BICD1: variants seen among roughly 807,000 people sequenced by gnomAD.
BICD1 encodes BICD cargo adaptor 1.
A neutral mutation model predicts 92.5 loss-of-function variants in BICD1; 35 were observed. The ratio of observed to expected loss-of-function variants is 0.38; its 90% CI spans 0.29 to 0.50. The LOEUF is 0.50. BICD1 is among the 20% of genes least tolerant of loss of function. The pLI is 0.93. For missense variants in BICD1, 950 were observed against 1,189.8 expected, an observed-to-expected ratio of 0.80 and a Z score of 2.97; for synonymous variants, 429 against 465.1, an observed-to-expected ratio of 0.92 and a Z score of 1.00.
intron 8 of BICD1, among the ~76,000 whole-genome samples, chr12:32,360,594 A>C (rs1311149455): frequency 1.3e-5 from 2 of 152,196 alleles, no homozygotes; most frequent in Non-Finnish European, 1.5e-5. Flanking sequence ...AAATGGTAAA[A>C]TAATGTGTCT....
chr12:32,137,119 C>T (rs1388941554), intron 1 of BICD1, among the ~76,000 whole-genome samples: 3 of 152,108 alleles, frequency 2.0e-5, no homozygotes, highest in Non-Finnish European at 2.9e-5. Flanking sequence ...GACAGTGTCT[C>T]GCTCTGTTGC....
intron 2 of BICD1, among the ~76,000 whole-genome samples, chr12:32,230,661 G>A (rs1945857119): frequency 6.6e-6 from 1 of 152,140 alleles, no homozygotes. Context: ...TTTTAGAGAG[G>A]AGAGAAGGAG....
Position 32,212,378 on chromosome 12 carries a change from C to A in BICD1, c.214-3869C>A, listed in dbSNP as rs1339083345. On this transcript the variant is annotated intron_variant, in intron 1 of 9. Transcript: ENST00000652176. ...TTTCACAGGTTAATTCCAGCCTAATCTTTTCATAGATGATAGCGTAGCCCA... is the reference window on the plus strand; with the variant it reads ...TTTCACAGGTTAATTCCAGCCTAATATTTTCATAGATGATAGCGTAGCCCA... Among the ~76,000 whole-genome samples the A allele has an allele frequency of 2.6e-5, 4 of 152,180 alleles. No homozygotes were observed. The East Asian group carries it at 7.7e-4, about 29-fold the overall frequency.
At chr12:32,311,097 GT>G (rs1339339940) in intron 4 of BICD1, among the ~76,000 whole-genome samples, 1 of 152,232 alleles carries the variant, frequency 6.6e-6, no homozygotes, top group East Asian at 1.9e-4. Context: ...ACCATGGCCT[GT>G]GACATAGCCC....
At chr12:32,233,769 A>G (rs937087735) in intron 2 of BICD1, among the ~76,000 whole-genome samples, 3 of 152,194 alleles carry the variant, frequency 2.0e-5, no homozygotes, top group Non-Finnish European at 2.9e-5. Flanking sequence ...ATGCATAGTC[A>G]GCATTCCATC....
intron 2 of BICD1, among the ~76,000 whole-genome samples, chr12:32,269,983 G>A (rs547984142): frequency 3.2e-4 from 49 of 151,758 alleles, no homozygotes; most frequent in Non-Finnish European, 6.3e-4. Flanking sequence ...TTAGCCAGGC[G>A]TGGTGGCACG....
At chr12:32,207,702 G>T (rs1197894171) in intron 1 of BICD1, among the ~76,000 whole-genome samples, 1 of 152,012 alleles carries the variant, frequency 6.6e-6, no homozygotes, top group Non-Finnish European at 1.5e-5. Context: ...AGTTAAGAAA[G>T]AATTGAAAAT....
At chr12:32,118,443 A>G (rs1486319154) in intron 1 of BICD1, among the ~76,000 whole-genome samples, 3 of 152,168 alleles carry the variant, frequency 2.0e-5, no homozygotes, top group African/African-American at 4.8e-5. Flanking sequence ...TGGGTTCAGC[A>G]TCCTTGGATT....
intron 2 of BICD1, among the ~76,000 whole-genome samples, chr12:32,220,479 A>C (rs1350211502): frequency 1.3e-5 from 2 of 152,118 alleles, no homozygotes; most frequent in Non-Finnish European, 2.9e-5. Flanking sequence ...TGCAGCCAAA[A>C]AACACATGAA....
rs1005258144 is a variant in BICD1 at position 32,274,316 on chromosome 12, A to G, written c.427-19678A>G. Among the ~76,000 whole-genome samples the G allele has an allele frequency of 5.9e-5, 9 of 152,224 alleles. No individual in the cohort carries two copies. In the South Asian group the frequency reaches 6.2e-4, roughly 11 times the overall value. ...ATAAGAACATCAGAACTGAAATTCT[A>G]TATTAGTTACCCTATTGTACTCACA... On this transcript the variant is annotated intron_variant, in intron 2 of 9. Transcript: ENST00000652176.
intron 2 of BICD1, among the ~76,000 whole-genome samples, chr12:32,242,926 A>G (rs1946274660): frequency 6.6e-6 from 1 of 152,122 alleles, no homozygotes; most frequent in African/African-American, 2.4e-5. Context: ...CTTGTTAGCT[A>G]TTAAGTGGGA....
chr12:32,314,485 G>A (rs1258371152), intron 4 of BICD1, among the ~76,000 whole-genome samples: 1 of 152,142 alleles, frequency 6.6e-6, no homozygotes, highest in Non-Finnish European at 1.5e-5. Flanking sequence ...ATGTGAAGTG[G>A]TATTTCATTA....
rs1286083779 is a variant in BICD1 at position 32,381,814 on chromosome 12, G to T, written c.*4187G>T. 6.6e-6 allele frequency: 1 copy of T among 152,044 alleles called. No individual in the cohort carries two copies. Among genetic ancestry groups the T allele is most frequent in the African/African-American group, 2.4e-5 (1 of 41,422 alleles). The allele number at this position is 152,044 out of a possible 1,614,324, so 9.4% of individuals were successfully genotyped here. ...GGATAAAGTTCACAATTTTAAAAAGGTTGCCCTCCAGTTTTTTTGTTTGTT... is the reference window on the plus strand; with the variant it reads ...GGATAAAGTTCACAATTTTAAAAAGTTTGCCCTCCAGTTTTTTTGTTTGTT... On this transcript the variant is annotated 3_prime_UTR_variant, in exon 10 of 10. Coordinates refer to ENST00000652176, the MANE Select transcript of BICD1 (RefSeq NM_001714.4).
At chr12:32,119,775 G>A (rs548122778) in intron 1 of BICD1, among the ~76,000 whole-genome samples, 10 of 152,312 alleles carry the variant, frequency 6.6e-5, no homozygotes, top group African/African-American at 1.7e-4. Context: ...GGAGACTGAG[G>A]CATGAGAATT....
Position 32,327,700 on chromosome 12 carries a change from C to T in BICD1, c.1245C>T (p.Ile415=), listed in dbSNP as rs201006444. 7.4e-6 allele frequency: 12 copies of T among 1,614,052 alleles called. 1 individual carries two copies. The highest frequency in any genetic ancestry group is 1.1e-5 in the South Asian group (1 of 91,052). The change falls in exon 5 of 10, where the codon ATC becomes ATT. Residue 415 remains isoleucine, a synonymous_variant. Transcript: ENST00000652176. ...DYEVDINGLE[I]LECKYRVAVT... Reference sequence around the variant, plus strand: ...AGGTGGACATCAATGGTTTAGAGATCCTTGAATGCAAATACAGGGTGGCAG... The same window carrying T: ...AGGTGGACATCAATGGTTTAGAGATTCTTGAATGCAAATACAGGGTGGCAG...
chr12:32,109,365 C>G (rs1464258156), intron 1 of BICD1: 4 of 151,914 alleles, frequency 2.6e-5, no homozygotes, highest in Non-Finnish European at 5.9e-5. Context: ...TAGATAAATA[C>G]TAAGAAAATT....
At chr12:32,214,893 TA>T (rs1358186075) in intron 1 of BICD1, among the ~76,000 whole-genome samples, 2 of 151,970 alleles carry the variant, frequency 1.3e-5, no homozygotes, top group Non-Finnish European at 2.9e-5. Context: ...TATTCTTTAT[TA>T]GGGGGATGTG....
intron 2 of BICD1, among the ~76,000 whole-genome samples, chr12:32,288,701 A>G (rs1486759057): frequency 6.6e-6 from 1 of 152,054 alleles, no homozygotes; most frequent in African/African-American, 2.4e-5. Flanking sequence ...TCCTGTCTCT[A>G]GTAAAAATAC....
chr12:32,116,510 C>CTCTCTATATATATA (rs1233964108), intron 1 of BICD1, among the ~76,000 whole-genome samples: 4 of 104,372 alleles, frequency 3.8e-5, no homozygotes, highest in East Asian at 6.5e-4. Context: ...CTCTCTCTCT[C>CTCTCTATATATATA]TATATATATA....
Sources: allele counts gnomAD v4.1 joint callset (sites outside exome capture counted in the v4.1 genomes callset), GRCh38; gene constraint gnomAD v4.1.1; transcripts MANE v1.5; gene names NCBI Gene and HGNC (gene_info 2026-07-23, HGNC 2026-07-21).